Variants in INHBA observed in about 807,000 individuals in gnomAD.
The protein encoded by INHBA is inhibin beta A chain.
In INHBA, 1 loss-of-function variant was observed where a neutral mutation model predicts 29.0. The ratio of observed to expected loss-of-function variants is 0.03; its 90% CI spans 0.01 to 0.16. The LOEUF is 0.16. Ranked by LOEUF, INHBA falls within the 10% of genes least tolerant of loss-of-function variation. The pLI is 1.00. For missense variants in INHBA, 376 were observed against 545.4 expected (o/e 0.69, Z 3.09); for synonymous variants, 242 against 216.8 (o/e 1.12, Z -1.02).
At chr7:41,705,007 T>G (rs1794883930), upstream of INHBA, among the ~76,000 whole-genome samples, 1 of 151,978 alleles carries the variant, frequency 6.6e-6, no homozygotes. Context: ...TGCAACCACC[T>G]GCACCACAGT....
chr7:41,699,378 G>A (rs1794720303), intron 2 of INHBA, among the ~76,000 whole-genome samples: 1 of 152,146 alleles, frequency 6.6e-6, no homozygotes, highest in African/African-American at 2.4e-5. Context: ...GCTCTTCCCT[G>A]TCTTGAATGT....
At chr7:41,694,062 T>C (rs1794581970) in intron 2 of INHBA, 1 of 152,216 alleles carries the variant, frequency 6.6e-6, no homozygotes, top group Non-Finnish European at 1.5e-5. Flanking sequence ...GAGATTCAAG[T>C]CTTCCTAATG....
intron 2 of INHBA, chr7:41,692,490 A>C (rs376204933): frequency 6.6e-6 from 1 of 152,334 alleles, no homozygotes; most frequent in South Asian, 2.1e-4. Context: ...CACTCTGCAC[A>C]CTGTGATTAT....
intron 2 of INHBA, among the ~76,000 whole-genome samples, 169 bp downstream of exon 2, chr7:41,699,818 C>G (rs1794731633): frequency 6.6e-6 from 1 of 152,114 alleles, no homozygotes; most frequent in Admixed American, 6.5e-5. Context: ...CTCCCCCTCC[C>G]CTGCCTGCCC....
intron 1 of INHBA, among the ~76,000 whole-genome samples, chr7:41,701,505 G>C (rs906688513): frequency 6.6e-6 from 1 of 152,162 alleles, no homozygotes; most frequent in Non-Finnish European, 1.5e-5. Context: ...CTTCCCAACT[G>C]TGAAATGCAG....
chr7:41,699,870 C>T (rs1352334818), intron 2 of INHBA, 117 bp downstream of exon 2: 2 of 773,448 alleles, frequency 2.6e-6, no homozygotes, highest in African/African-American at 1.7e-5. Context: ...AACTAATAAC[C>T]TTCCCAGGCA....
chr7:41,703,793 A>ACAC (rs1554287637), upstream of INHBA, among the ~76,000 whole-genome samples: 5 of 107,354 alleles, frequency 4.7e-5, no homozygotes, highest in African/African-American at 6.8e-5. Context: ...ACACACACAC[A>ACAC]ACAACAACAA....
intron 2 of INHBA, among the ~76,000 whole-genome samples, chr7:41,693,325 A>C (rs1422842736): frequency 6.6e-6 from 1 of 152,210 alleles, no homozygotes; most frequent in Non-Finnish European, 1.5e-5. Flanking sequence ...GTCAGGGTGA[A>C]GCCGATGGAC....
chr7:41,704,840 G>A (rs1794878591), upstream of INHBA, among the ~76,000 whole-genome samples: 1 of 152,102 alleles, frequency 6.6e-6, no homozygotes, highest in African/African-American at 2.4e-5. Context: ...TTTCTGAGAA[G>A]CCTGGTGGCT....
Position 41,700,435 on chromosome 7 carries a change from A to G in INHBA, c.-61T>C. 1 of 1,320,132 alleles carries G rather than the reference A, an allele frequency of 7.6e-7. No homozygotes were observed. The highest frequency in any genetic ancestry group is 9.8e-7 in the Non-Finnish European group (1 of 1,020,898). 81.8% of individuals were successfully genotyped at this position (1,320,132 alleles called of 1,614,324 possible). On this transcript the variant is annotated 5_prime_UTR_variant, in exon 2 of 3. Coordinates refer to ENST00000242208, the MANE Select transcript of INHBA (RefSeq NM_002192.4). Reference sequence around the variant, plus strand: ...AAGGCCCTGCTTTTCCTCCCCCCTCACGCGCAGGTTTTTTTGTGTGTGTGG... The same window carrying G: ...AAGGCCCTGCTTTTCCTCCCCCCTCGCGCGCAGGTTTTTTTGTGTGTGTGG...
intron 1 of INHBA, among the ~76,000 whole-genome samples, chr7:41,702,581 A>G (rs73100932): frequency 0.044 from 6,724 of 152,308 alleles, 220 homozygotes; most frequent in Non-Finnish European, 0.068. Flanking sequence ...ACAGTACCCA[A>G]AATGTTTTGC....
In INHBA at chr7:41,690,017, T is replaced by C; in HGVS notation, c.914A>G (p.His305Arg). 6.2e-7 allele frequency: 1 copy of C among 1,614,120 alleles called. No individual in the cohort carries two copies. The highest frequency in any genetic ancestry group is 8.5e-7 in the Non-Finnish European group (1 of 1,180,028). The change falls in exon 3 of 3, where the codon CAT becomes CGT. Residue 305 changes from histidine to arginine, a missense_variant. By Grantham distance (29) the His-to-Arg change is conservative. Transcript: ENST00000242208. ...CTCCAAGCCCCGCCGACGCCGGCGA[T>C]GAGGGTGGTCTTCAGACTGCCGGGC... ...LQARQSEDHP[H>R]RRRRRGLECD...
chr7:41,687,754 G>A lies in INHBA; in HGVS notation c.*1896C>T, dbSNP rs1053444509. 2.0e-5 allele frequency: 3 copies of A among 151,808 alleles called. No homozygotes were observed. The highest frequency in any genetic ancestry group is 4.4e-5 in the Non-Finnish European group (3 of 67,970). 9.4% of individuals were successfully genotyped at this position (151,808 alleles called of 1,614,324 possible). A position where few individuals can be genotyped will look rare whatever the true frequency, so the allele number is the denominator to read the frequency against. On this transcript the variant is annotated 3_prime_UTR_variant, in exon 3 of 3. Transcript: ENST00000242208. ...AGTGATGACATTATTTTTCCCAGCT[G>A]GTACAGGTAATATTTCTCACAACCA...
At chr7:41,697,964 A>G (rs2128670826) in intron 2 of INHBA, among the ~76,000 whole-genome samples, 1 of 152,334 alleles carries the variant, frequency 6.6e-6, no homozygotes, top group African/African-American at 2.4e-5. Flanking sequence ...GTGTTTTCTA[A>G]GAATCCAAAG....
Position 41,688,742 on chromosome 7 carries a change from A to G in INHBA, c.*908T>C, listed in dbSNP as rs1794436494. The G allele has an allele frequency of 5.7e-6, 1 of 174,560 alleles. No homozygotes were observed. Among genetic ancestry groups the G allele is most frequent in the Non-Finnish European group, 1.2e-5 (1 of 81,576 alleles). The allele number at this position is 174,560 out of a possible 1,614,324, so 10.8% of individuals were successfully genotyped here. A position where few individuals can be genotyped will look rare whatever the true frequency, so the allele number is the denominator to read the frequency against. On this transcript the variant is annotated 3_prime_UTR_variant, in exon 3 of 3. Coordinates refer to ENST00000242208, the MANE Select transcript of INHBA (RefSeq NM_002192.4). Reference sequence around the variant, plus strand: ...AAAAAACAACAACAACATTTACAAAATATAGAAATGTTTGGATCCAACAGA... The same window carrying G: ...AAAAAACAACAACAACATTTACAAAGTATAGAAATGTTTGGATCCAACAGA...
intron 2 of INHBA, among the ~76,000 whole-genome samples, chr7:41,692,956 C>T (rs759211864): frequency 2.6e-5 from 4 of 152,124 alleles, no homozygotes; most frequent in Non-Finnish European, 5.9e-5. Context: ...AGGAGAAGGC[C>T]GAGGGAAACC....
chr7:41,700,842 A>AGAGAGAGAGAGAGAGAGAGG (rs1794770289), intron 1 of INHBA, among the ~76,000 whole-genome samples: 1 of 1,232 alleles, frequency 8.1e-4, no homozygotes, highest in African/African-American at 4.9e-3. Context: ...AGGGAAAGGA[A>AGAGAGAGAGAGAGAGAGAGG]GAGAGAGAGA....
chr7:41,690,690 T>A lies in INHBA; in HGVS notation c.389-148A>T, dbSNP rs1583591750. On this transcript the variant is annotated intron_variant, in intron 2 of 2. Transcript: ENST00000242208. ...CAAATGACAGCCCATGGGCTGAAAC[T>A]GTTTCTGTACTGCCTGCAAACTAAG... The A allele has an allele frequency of 1.3e-5, 13 of 1,012,980 alleles. No individual in the cohort carries two copies. The East Asian group carries it at 3.5e-4, about 27-fold the overall frequency. 62.7% of individuals were successfully genotyped at this position (1,012,980 alleles called of 1,614,324 possible).
At chr7:41,696,075 T>C (rs1794640851) in intron 2 of INHBA, among the ~76,000 whole-genome samples, 1 of 152,108 alleles carries the variant, frequency 6.6e-6, no homozygotes, top group Non-Finnish European at 1.5e-5. Context: ...ACACCCTCAG[T>C]TCGGAAACAA....
Sources: gnomAD v4.1 joint callset for allele counts (sites outside exome capture counted in the v4.1 genomes callset) on GRCh38, gnomAD v4.1.1 for gene constraint, MANE v1.5 for transcripts, NCBI Gene and HGNC (gene_info 2026-07-23, HGNC 2026-07-21) for gene names.